The following TTN variants were observed in gnomAD, a reference collection of about 807,000 sequenced individuals.
The protein encoded by TTN is titin, also known as connectin.
TTN carries 1,525 observed loss-of-function variants against 3,223.0 expected under a neutral mutation model. The ratio of observed to expected loss-of-function variants is 0.47; its 90% CI spans 0.45 to 0.49. The LOEUF is 0.49. TTN is among the 20% of genes least tolerant of loss of function. TTN has a pLI of 0.00. For missense variants in TTN, 40,786 were observed against 43,424.0 expected, an observed-to-expected ratio of 0.94 and a Z score of 5.40; for synonymous variants, 14,094 against 15,161.0, an observed-to-expected ratio of 0.93 and a Z score of 5.17.
At chr2:178,688,646 C>T (rs576178338) in intron 126 of TTN, 31 bp downstream of exon 126, 2 of 1,451,832 alleles carry the variant, frequency 1.4e-6, no homozygotes, top group Non-Finnish European at 1.9e-6. Flanking sequence ...CACACACAAA[C>T]TCATTTATCC....
chr2:178,621,827 A>G lies in TTN; in HGVS notation c.45082+13T>C. 1 of 1,611,592 alleles carries G rather than the reference A, an allele frequency of 6.2e-7. No individual in the cohort carries two copies. Among genetic ancestry groups the G allele is most frequent in the African/African-American group, 1.3e-5 (1 of 74,872 alleles). On this transcript the variant is annotated intron_variant, in intron 244 of 362. Coordinates refer to ENST00000589042, the MANE Select transcript of TTN (RefSeq NM_001267550.2). ...CAACACATATACTTCACAAAGAATG[A>G]CTTTACTCTTACCCAGAACTGTCAG...
intron 163 of TTN, 81 bp from the exon 164 acceptor site, chr2:178,665,872 T>C: frequency 1.6e-6 from 1 of 641,460 alleles, no homozygotes; most frequent in Non-Finnish European, 2.2e-6. Context: ...ATACAGAACA[T>C]TCCAGATGGG....
chr2:178,714,631 C>T (rs2077185344), intron 90 of TTN, 58 bp from the exon 91 acceptor site: 8 of 1,505,960 alleles, frequency 5.3e-6, no homozygotes, highest in South Asian at 1.4e-5. Context: ...CAGCATTTTG[C>T]TCAAATCGTG....
chr2:178,651,219 C>T, intron 208 of TTN, 24 bp downstream of exon 208: 1 of 1,598,460 alleles, frequency 6.3e-7, no homozygotes, highest in East Asian at 2.2e-5. Flanking sequence ...TGCTTTTCTG[C>T]AGAATCTCAT....
chr2:178,629,238 A>G (rs548386310), intron 240 of TTN, 63 bp downstream of exon 240: 9 of 1,577,546 alleles, frequency 5.7e-6, no homozygotes, highest in Admixed American at 1.8e-5. Context: ...TAAGGAACAT[A>G]CAAGTGAAGG....
In TTN at chr2:178,795,175, T is replaced by C; in HGVS notation, c.992A>G (p.Gln331Arg). Residue 331 changes from glutamine (Q) to arginine (R), a missense_variant, in exon 7 of 363, where the codon CAG becomes CGG. Gln to Arg is a conservative substitution (Grantham distance 43). Transcript: ENST00000589042. ...VRSPLLMRKT[Q>R]ASTVATGPEV... ...AGGACCTGTGGCCACGGTGGATGCC[T>C]GAGTCTTACGCATGAGCAATGGAGA... 3.1e-6 allele frequency: 5 copies of C among 1,614,022 alleles called. No homozygotes were observed. The highest frequency in any genetic ancestry group is 4.2e-6 in the Non-Finnish European group (5 of 1,179,900).
chr2:178,620,136 G>A, intron 248 of TTN, 24 bp from the exon 249 acceptor site: 1 of 1,600,984 alleles, frequency 6.2e-7, no homozygotes, highest in Non-Finnish European at 8.5e-7. Flanking sequence ...TGGATTATCA[G>A]TTAGCTTGCA....
At position 178,749,921 on chromosome 2, in the gene TTN, A is replaced by G. The variant is rs2084920812; in HGVS notation, c.11311+3203T>C. On this transcript the variant is annotated intron_variant, in intron 47 of 362. Coordinates refer to ENST00000589042, the MANE Select transcript of TTN (RefSeq NM_001267550.2). ...GGCATGCTTTGGCATTTCTTGTAAC[A>G]TTTTTGGTGGTTCATTAGTAATATC... is the stretch of plus-strand genomic sequence containing the variant. 2.5e-6 allele frequency: 4 copies of G among 1,613,180 alleles called. No individual in the cohort carries two copies. In the East Asian group the frequency reaches 8.9e-5, roughly 36 times the overall value.
At position 178,718,485 on chromosome 2, in the gene TTN, G is replaced by A. The variant is rs751733811; in HGVS notation, c.24621C>T (p.Asp8207=). The A allele has an allele frequency of 1.5e-5, 24 of 1,613,500 alleles. No individual in the cohort carries two copies. In the East Asian group the frequency reaches 2.7e-4, roughly 18 times the overall value. ...TPPISVSWIK[D]EYLISQSERC... is the part of the protein sequence containing the mutation. ...TCTCAGATTGTGAAATAAGATACTC[G>A]TCCTTTATCCAGCTCACTGAGATTG... is the stretch of plus-strand genomic sequence containing the variant. The change falls in exon 85 of 363, where the codon GAC becomes GAT. Residue 8207 remains aspartate, a synonymous_variant. Coordinates refer to ENST00000589042, the MANE Select transcript of TTN (RefSeq NM_001267550.2).
At position 178,576,050 on chromosome 2, in the gene TTN, C is replaced by T. The variant is rs1433418101; in HGVS notation, c.70082G>A (p.Ser23361Asn). 1 of 1,613,540 alleles carries T rather than the reference C, an allele frequency of 6.2e-7. No individual in the cohort carries two copies. The highest frequency in any genetic ancestry group is 8.5e-7 in the Non-Finnish European group (1 of 1,179,612). The part of the protein sequence containing the change: ...RRTLVVRAGL[S>N]IRIFVPIKGR... ...TTTAATTGGCACAAATATCCTAATACTGAGTCCTGCTCTAACAACAAGTGT... is the reference window on the plus strand; with the variant it reads ...TTTAATTGGCACAAATATCCTAATATTGAGTCCTGCTCTAACAACAAGTGT... Residue 23361 changes from serine (S) to asparagine (N), a missense_variant, in exon 326 of 363, where the codon AGT becomes AAT. Transcript: ENST00000589042. This position sits in a 1 kb window ranked among gnomAD's most constrained non-coding sequence, Gnocchi z 4.3.
Position 178,552,768 on chromosome 2 carries a change from CTT to C in TTN, c.90130_90131del (p.Lys30044AspfsTer11). On this transcript the variant is annotated frameshift_variant, in exon 335 of 363. Coordinates refer to ENST00000589042, the MANE Select transcript of TTN (RefSeq NM_001267550.2). LOFTEE classifies it high-confidence loss of function. ...IRDLSMKDST[K>X]TSVILSWTKP... ...TGGTCCAGCTGAGGATGACAGATGT[CTT>C]TGTTGAGTCTTTCATTGAGAGATCA... 6.2e-7 allele frequency: 1 copy of C among 1,613,946 alleles called. No individual in the cohort carries two copies. The highest frequency in any genetic ancestry group is 8.5e-7 in the Non-Finnish European group (1 of 1,179,838).
In TTN at chr2:178,562,920, T is replaced by C; in HGVS notation, c.83212A>G (p.Arg27738Gly). ...FTMLVIDNVT[R>G]FDSGRYNLTL... ...AGATTATACCGACCACTGTCAAATC[T>C]GGTAACATTATCAATCACCAACATT... Residue 27738 changes from arginine to glycine, a missense_variant, in exon 326 of 363, where the codon AGA becomes GGA. By Grantham distance (125) the Arg-to-Gly change is moderately radical (BLOSUM62 -2). Coordinates refer to ENST00000589042, the MANE Select transcript of TTN (RefSeq NM_001267550.2). 6.2e-7 allele frequency: 1 copy of C among 1,613,608 alleles called. No homozygotes were observed. Among genetic ancestry groups the C allele is most frequent in the Non-Finnish European group, 8.5e-7 (1 of 1,179,720 alleles).
In TTN at chr2:178,730,948, C is replaced by A. The variant is rs1239818599; in HGVS notation, c.17717G>T (p.Cys5906Phe). Residue 5906 changes from cysteine (C) to phenylalanine (F), a missense_variant, in exon 60 of 363, where the codon TGC becomes TTC. Transcript: ENST00000589042. ...ACCTAATACATTAATTCTAGCCTTG[C>A]AGCTGCTCCTCCCAACATCATTTTG... ...EVQNDVGRSS[C>F]KARINVLDLI... The A allele has an allele frequency of 2.5e-6, 4 of 1,608,172 alleles. No homozygotes were observed. Among genetic ancestry groups the A allele is most frequent in the South Asian group, 1.1e-5 (1 of 90,056 alleles).
intron 49 of TTN, 87 bp downstream of exon 49, chr2:178,737,995 C>T: frequency 4.6e-6 from 7 of 1,531,264 alleles, no homozygotes; most frequent in Non-Finnish European, 5.3e-6. Flanking sequence ...GTTGGTAATA[C>T]AAGCATTTCC....
Position 178,733,081 on chromosome 2 carries a change from G to T in TTN, c.16095C>A (p.Asn5365Lys), listed in dbSNP as rs72648935. Residue 5365 changes from asparagine to lysine, a missense_variant, in exon 55 of 363, where the codon AAC (asparagine) becomes AAA (lysine). Asn to Lys is a moderately conservative substitution (Grantham distance 94). Coordinates refer to ENST00000589042, the MANE Select transcript of TTN (RefSeq NM_001267550.2). Reference protein sequence around the residue: ...IAPFFTKPLRNVDSVVNGTCR... With the variant: ...IAPFFTKPLRKVDSVVNGTCR... ...AGGTACCATTAACAACACTATCCACGTTGCGCAAGGGTTTGGTAAAAAATG... is the reference window on the plus strand; with the variant it reads ...AGGTACCATTAACAACACTATCCACTTTGCGCAAGGGTTTGGTAAAAAATG... The T allele has an allele frequency of 6.2e-7, 1 of 1,606,176 alleles. No homozygotes were observed. The highest frequency in any genetic ancestry group is 1.7e-5 in the Admixed American group (1 of 59,420).
intron 43 of TTN, chr2:178,760,790 A>G (rs2088888383): frequency 6.6e-6 from 1 of 152,100 alleles, no homozygotes; most frequent in Non-Finnish European, 1.5e-5. Flanking sequence ...TAACACGCCA[A>G]AAGACAGTGC....
chr2:178,568,953 C>T lies in TTN; in HGVS notation c.77179G>A (p.Gly25727Ser), dbSNP rs747233995. 6.2e-7 allele frequency: 1 copy of T among 1,613,390 alleles called. No homozygotes were observed. The highest frequency in any genetic ancestry group is 2.2e-5 in the East Asian group (1 of 44,834). ...ACAATATACTGAATGATTTTACTGCCACCATCATGTTCAGGTTTTGTCCAA... is the reference window on the plus strand; with the variant it reads ...ACAATATACTGAATGATTTTACTGCTACCATCATGTTCAGGTTTTGTCCAA... ...LSWTKPEHDG[G>S]SKIIQYIVEM... Residue 25727 changes from glycine (G) to serine (S), a missense_variant, in exon 326 of 363, where the codon GGC (glycine) becomes AGC (serine). Physicochemically the swap from Gly to Ser is moderately conservative, Grantham distance 56. Coordinates refer to ENST00000589042, the MANE Select transcript of TTN (RefSeq NM_001267550.2).
At position 178,601,343 on chromosome 2, in the gene TTN, G is replaced by A. The variant is rs763966394; in HGVS notation, c.55654C>T (p.Arg18552Cys). 15 of 1,610,816 alleles carry A rather than the reference G, an allele frequency of 9.3e-6. No homozygotes were observed. The highest frequency in any genetic ancestry group is 2.7e-5 in the African/African-American group (2 of 74,788). The part of the protein sequence containing the change: ...DLLSEQQYFF[R>C]VRAENRFGIG... ...CCAAAACGGTTTTCTGCTCGCACACGGAAGAAATATTGCTGTTCAGAGAGG... is the reference window on the plus strand; with the variant it reads ...CCAAAACGGTTTTCTGCTCGCACACAGAAGAAATATTGCTGTTCAGAGAGG... Residue 18552 changes from arginine to cysteine, a missense_variant, in exon 287 of 363, where the codon CGT (arginine) becomes TGT (cysteine). Physicochemically the swap from Arg to Cys is radical, Grantham distance 180. Transcript: ENST00000589042.
Position 178,554,615 on chromosome 2 carries a change from G to A in TTN, c.88732C>T (p.Arg29578Cys), listed in dbSNP as rs539906386. ...HYIVEKRETS[R>C]VVWSMVSEHL... ...TCAGACACCATAGACCACACAACGCGGCTTGTCTCACGCTTTTCCACAATG... is the reference window on the plus strand; with the variant it reads ...TCAGACACCATAGACCACACAACGCAGCTTGTCTCACGCTTTTCCACAATG... The change falls in exon 332 of 363, where the codon CGC becomes TGC. Residue 29578 changes from arginine to cysteine, a missense_variant. Transcript: ENST00000589042. 5 of 1,613,818 alleles carry A rather than the reference G, an allele frequency of 3.1e-6. No homozygotes were observed. Among genetic ancestry groups the A allele is most frequent in the East Asian group, 4.5e-5 (2 of 44,852 alleles).
Sources: gnomAD v4.1 joint callset for allele counts on GRCh38, gnomAD v4.1.1 for gene constraint, Gnocchi (gnomAD v3.1) non-coding constraint, MANE v1.5 for transcripts, NCBI Gene and HGNC (gene_info 2026-07-23, HGNC 2026-07-21) for gene names.